The following SYNJ2BP variants were observed in gnomAD, a reference collection of about 807,000 sequenced individuals.
SYNJ2BP encodes the protein synaptojanin-2-binding protein.
In SYNJ2BP, 10 loss-of-function variants were observed where a neutral mutation model predicts 16.9. The ratio of observed to expected loss-of-function variants is 0.59; its 90% CI spans 0.36 to 1.00. The LOEUF (loss-of-function observed/expected upper bound fraction) is 1.00, where lower values mean the gene tolerates loss of function less well. SYNJ2BP is among the 50% of genes least tolerant of loss of function. The pLI is 0.01. For missense variants in SYNJ2BP, 162 were observed against 186.7 expected, an observed-to-expected ratio of 0.87 and a Z score of 0.77; for synonymous variants, 54 against 68.4, an observed-to-expected ratio of 0.79 and a Z score of 1.04.
At chr14:70,405,486 A>C (rs1174110019) in intron 1 of SYNJ2BP, among the ~76,000 whole-genome samples, 1 of 152,148 alleles carries the variant, frequency 6.6e-6, no homozygotes, top group African/African-American at 2.4e-5. Context: ...GTGAGTGATC[A>C]AGTTGGCTAA....
rs1887479665 is a variant in SYNJ2BP, at chr14:70,369,842, C to T, written c.*3149G>A. The T allele has an allele frequency of 1.3e-5, 2 of 152,090 alleles. No homozygotes were observed. The highest frequency in any genetic ancestry group is 2.9e-5 in the Non-Finnish European group (2 of 67,998). 9.4% of individuals were successfully genotyped at this position (152,090 alleles called of 1,614,324 possible). A position where few individuals can be genotyped will look rare whatever the true frequency, so the allele number is the denominator to read the frequency against. ...GAATGATAGAGAAATGTTTTAAGTA[C>T]TTAAAAATACCTTCGTTCAATTTTC... On this transcript the variant is annotated 3_prime_UTR_variant, in exon 4 of 4. Coordinates refer to ENST00000256366, the MANE Select transcript of SYNJ2BP (RefSeq NM_018373.3).
At chr14:70,403,290 T>C (rs1888279007) in intron 1 of SYNJ2BP, among the ~76,000 whole-genome samples, 1 of 152,388 alleles carries the variant, frequency 6.6e-6, no homozygotes, top group East Asian at 1.9e-4. Context: ...ATGTGTCATG[T>C]GTATGTGATA....
intron 1 of SYNJ2BP, among the ~76,000 whole-genome samples, chr14:70,394,360 T>C (rs192186641): frequency 6.6e-6 from 1 of 152,072 alleles, no homozygotes; most frequent in Non-Finnish European, 1.5e-5. Context: ...GATAACAGTG[T>C]ACTTTGGAGC....
At chr14:70,402,646 A>G (rs779697808) in intron 1 of SYNJ2BP, among the ~76,000 whole-genome samples, 7 of 147,650 alleles carry the variant, frequency 4.7e-5, no homozygotes, top group African/African-American at 7.5e-5. Flanking sequence ...CAGCCTGGGT[A>G]ACATAATGAA....
Position 70,371,641 on chromosome 14 carries a change from A to G in SYNJ2BP, c.*1350T>C, listed in dbSNP as rs1051251462. On this transcript the variant is annotated 3_prime_UTR_variant, in exon 4 of 4. Transcript: ENST00000256366. ...ACCATGTTGGCCAGGCTGGTCTTGA[A>G]CTCCTGACCTTGTGATCTGCCTGCC... 2 of 151,378 alleles carry G rather than the reference A, an allele frequency of 1.3e-5. No homozygotes were observed. Among genetic ancestry groups the G allele is most frequent in the Non-Finnish European group, 2.9e-5 (2 of 67,860 alleles). 9.4% of individuals were successfully genotyped at this position (151,378 alleles called of 1,614,324 possible).
At position 70,416,914 on chromosome 14, in the gene SYNJ2BP, G is replaced by C; in HGVS notation, c.50C>G (p.Thr17Ser). ...TCCGCACATACCTGAGGGCCCTCTG[G>C]TAAGATTGATCTCTTCCTCAGTGAC... ...YLVTEEEINL[T>S]RGPSGLGFNI... Residue 17 changes from threonine (T) to serine (S), a missense_variant, in exon 1 of 4, where the codon ACC becomes AGC. Thr to Ser is a moderately conservative substitution (Grantham distance 58, BLOSUM62 1). Coordinates refer to ENST00000256366, the MANE Select transcript of SYNJ2BP (RefSeq NM_018373.3). The C allele has an allele frequency of 4.3e-6, 7 of 1,614,104 alleles. No individual in the cohort carries two copies. The highest frequency in any genetic ancestry group is 5.9e-6 in the Non-Finnish European group (7 of 1,180,006).
chr14:70,410,152 C>T (rs761515501), intron 1 of SYNJ2BP, among the ~76,000 whole-genome samples: 58 of 151,882 alleles, frequency 3.8e-4, no homozygotes, highest in Non-Finnish European at 5.9e-4. Context: ...TGGTGGCTCA[C>T]GCCTGTAATC....
intron 1 of SYNJ2BP, among the ~76,000 whole-genome samples, chr14:70,407,102 G>A (rs577554929): frequency 6.6e-6 from 1 of 151,524 alleles, no homozygotes; most frequent in East Asian, 2.0e-4. Flanking sequence ...TATTAGGTTG[G>A]TGCAAAAGTA....
rs567444562 is a variant in SYNJ2BP, at chr14:70,409,249, CTTA to C, written c.64+7648_64+7650del. On this transcript the variant is annotated intron_variant, in intron 1 of 3. Transcript: ENST00000256366. Reference sequence around the variant, plus strand: ...AAATTCTTAAAAATGGGGATCATTTCTTATTCTTTATTCTAGTGTCCATGATTC... The same window carrying C: ...AAATTCTTAAAAATGGGGATCATTTCTTCTTTATTCTAGTGTCCATGATTC... Among the ~76,000 whole-genome samples the C allele has an allele frequency of 2.7e-3, 410 of 152,262 alleles. 3 individuals are homozygous for C. Among genetic ancestry groups the C allele is most frequent in the African/African-American group, 8.8e-3 (366 of 41,558 alleles).
intron 3 of SYNJ2BP, among the ~76,000 whole-genome samples, chr14:70,373,603 C>T (rs543295234): frequency 3.3e-5 from 5 of 152,254 alleles, no homozygotes; most frequent in East Asian, 3.9e-4. Flanking sequence ...TACCAACATA[C>T]GTCCAATGCC....
intron 3 of SYNJ2BP, among the ~76,000 whole-genome samples, chr14:70,375,253 G>A (rs1887603821): frequency 6.7e-6 from 1 of 149,324 alleles, no homozygotes; most frequent in Non-Finnish European, 1.5e-5. Flanking sequence ...CCAGGCTGGA[G>A]TATAGTGGTA....
chr14:70,402,088 G>T (rs1888251851), intron 1 of SYNJ2BP, among the ~76,000 whole-genome samples: 2 of 152,110 alleles, frequency 1.3e-5, no homozygotes, highest in Non-Finnish European at 2.9e-5. Flanking sequence ...CTCCCTTTTT[G>T]GGGTATTCTG....
chr14:70,405,286 A>C (rs1888323336), intron 1 of SYNJ2BP, among the ~76,000 whole-genome samples: 1 of 152,176 alleles, frequency 6.6e-6, no homozygotes, highest in Admixed American at 6.5e-5. Flanking sequence ...TGAATGAATG[A>C]TAATGGGGAA....
intron 2 of SYNJ2BP, among the ~76,000 whole-genome samples, chr14:70,387,728 G>A (rs1390123024): frequency 1.3e-5 from 2 of 151,856 alleles, no homozygotes; most frequent in South Asian, 2.1e-4. Context: ...CTACTCAGGA[G>A]GCTGAGGCAG....
At chr14:70,407,244 T>C (rs985294049) in intron 1 of SYNJ2BP, among the ~76,000 whole-genome samples, 3 of 152,052 alleles carry the variant, frequency 2.0e-5, no homozygotes, top group Non-Finnish European at 4.4e-5. Flanking sequence ...CTGACTAACA[T>C]GGTGAAACCA....
rs1003951486 is a variant in SYNJ2BP at position 70,367,078 on chromosome 14, T to C, written c.*5913A>G. The C allele has an allele frequency of 7.2e-5, 11 of 152,222 alleles. No homozygotes were observed. Among genetic ancestry groups the C allele is most frequent in the Non-Finnish European group, 1.2e-4 (8 of 68,036 alleles). The allele number at this position is 152,222 out of a possible 1,614,324, so 9.4% of individuals were successfully genotyped here. Reference sequence around the variant, plus strand: ...ATTGACTTGCATTGACAACACACTTTAGCTCTCGCCCCTTTCATTCTCCCC... The same window carrying C: ...ATTGACTTGCATTGACAACACACTTCAGCTCTCGCCCCTTTCATTCTCCCC... On this transcript the variant is annotated 3_prime_UTR_variant, in exon 4 of 4. Transcript: ENST00000256366.
chr14:70,411,128 T>G (rs1412374319), intron 1 of SYNJ2BP, among the ~76,000 whole-genome samples: 1 of 152,204 alleles, frequency 6.6e-6, no homozygotes, highest in Non-Finnish European at 1.5e-5. Context: ...TTATTTATAA[T>G]GATTCAGGGC....
chr14:70,374,921 T>C (rs1489284931), intron 3 of SYNJ2BP, among the ~76,000 whole-genome samples: 1 of 148,312 alleles, frequency 6.7e-6, no homozygotes, highest in Admixed American at 6.8e-5. Flanking sequence ...CATTGGTCCA[T>C]GTCACTCTTA....
chr14:70,408,629 C>A (rs368859558), intron 1 of SYNJ2BP, among the ~76,000 whole-genome samples: 1 of 150,304 alleles, frequency 6.7e-6, no homozygotes, highest in Non-Finnish European at 1.5e-5. Context: ...GCTGAGACTG[C>A]GCCACTGCAC....
Sources: gnomAD v4.1 joint callset for allele counts (sites outside exome capture counted in the v4.1 genomes callset) on GRCh38, gnomAD v4.1.1 for gene constraint, MANE v1.5 for transcripts, NCBI Gene and HGNC (gene_info 2026-07-23, HGNC 2026-07-21) for gene names.